The following COMMD7 variants were observed in gnomAD, a reference collection of about 807,000 sequenced individuals.
The protein encoded by COMMD7 is COMM domain containing 7.
In COMMD7, 28 loss-of-function variants were observed where a neutral mutation model predicts 34.8. The observed-to-expected ratio is 0.80, with a 90% confidence interval of 0.60 to 1.10. COMMD7 has a LOEUF of 1.10. COMMD7 is among the 50% of genes least tolerant of loss of function. The pLI is 0.00. For missense variants in COMMD7, 211 were observed against 241.6 expected (o/e 0.87, Z 0.84); for synonymous variants, 80 against 86.4 (o/e 0.93, Z 0.41).
intron 1 of COMMD7, among the ~76,000 whole-genome samples, chr20:32,736,329 G>A (rs901746285): frequency 5.3e-5 from 8 of 152,148 alleles, no homozygotes; most frequent in African/African-American, 1.7e-4. Context: ...TGGGCCAAAC[G>A]ACTCAGGTAA....
chr20:32,722,785 G>C (rs1985250329), intron 3 of COMMD7, among the ~76,000 whole-genome samples: 1 of 150,980 alleles, frequency 6.6e-6, no homozygotes, highest in Non-Finnish European at 1.5e-5. Context: ...ACTTTGGGAG[G>C]CTGAGGCGGG....
intron 3 of COMMD7, among the ~76,000 whole-genome samples, chr20:32,711,222 C>G (rs555184045): frequency 6.6e-6 from 1 of 151,910 alleles, no homozygotes; most frequent in Non-Finnish European, 1.5e-5. Flanking sequence ...CGTGGTGAAA[C>G]CCCGTCTCCA....
At chr20:32,716,507 T>C (rs575330579) in intron 3 of COMMD7, among the ~76,000 whole-genome samples, 260 of 152,094 alleles carry the variant, frequency 1.7e-3, no homozygotes, top group African/African-American at 5.7e-3. Flanking sequence ...CCCAGCTACT[T>C]GGGAGGCTGA....
Position 32,727,962 on chromosome 20 carries a change from C to A in COMMD7, c.172G>T (p.Ala58Ser). 1 of 1,614,126 alleles carries A rather than the reference C, an allele frequency of 6.2e-7. No homozygotes were observed. The highest frequency in any genetic ancestry group is 1.7e-4 in the Middle Eastern group (1 of 6,060). ...ERFLAQLSEF[A>S]TTNQISLGSL... ...CCAAGACTGATCTGATTGGTGGTGGCAAATTCAGAGAGCTGAGCCAGAAAT... is the reference window on the plus strand; with the variant it reads ...CCAAGACTGATCTGATTGGTGGTGGAAAATTCAGAGAGCTGAGCCAGAAAT... Residue 58 changes from alanine (A) to serine (S), a missense_variant, in exon 3 of 9, where the codon GCC becomes TCC. By Grantham distance (99) the Ala-to-Ser change is moderately conservative (BLOSUM62 1). Transcript: ENST00000278980.
intron 1 of COMMD7, among the ~76,000 whole-genome samples, chr20:32,737,969 A>C (rs553045488): frequency 1.3e-5 from 2 of 151,994 alleles, no homozygotes; most frequent in African/African-American, 2.4e-5. Context: ...AAAGAAAAAA[A>C]CTTTGTTAGT....
chr20:32,728,231 G>C, intron 1 of COMMD7, 89 bp from the exon 2 acceptor site: 1 of 1,227,768 alleles, frequency 8.1e-7, no homozygotes, highest in Non-Finnish European at 1.2e-6. Flanking sequence ...CCTTGAGAGG[G>C]AAGAACAGTA....
At chr20:32,734,367 G>A (rs777924770) in intron 1 of COMMD7, among the ~76,000 whole-genome samples, 8 of 151,466 alleles carry the variant, frequency 5.3e-5, no homozygotes, top group Non-Finnish European at 8.8e-5. Context: ...CAGCTACTCG[G>A]GAGGCTGAGG....
chr20:32,727,010 A>T (rs1428933325), intron 3 of COMMD7, among the ~76,000 whole-genome samples: 2 of 152,056 alleles, frequency 1.3e-5, no homozygotes, highest in Admixed American at 1.3e-4. Context: ...GCAGGAGGAC[A>T]GCTTGAGCTA....
chr20:32,732,343 A>G, intron 1 of COMMD7, among the ~76,000 whole-genome samples: 1 of 151,970 alleles, frequency 6.6e-6, no homozygotes, highest in East Asian at 1.9e-4. Flanking sequence ...CTCCTGCCTC[A>G]CCCTCCCTAA....
In COMMD7 at chr20:32,714,857, A is replaced by AACAACAACAACAAC. The variant is rs1568778705; in HGVS notation, c.242-8098_242-8097insGTTGTTGTTGTTGT. On this transcript the variant is annotated intron_variant, in intron 3 of 8. Coordinates refer to ENST00000278980, the MANE Select transcript of COMMD7 (RefSeq NM_053041.3). The stretch of plus-strand genomic sequence containing the variant: ...ACAACAACAACAACAACAACAACAA[A>AACAACAACAACAAC]AATTAGCCAGGTGTAGTGCGCATGC... 1.1e-3 allele frequency among the ~76,000 whole-genome samples: 53 copies of AACAACAACAACAAC among 49,590 alleles called. 1 individual carries two copies. The highest frequency in any genetic ancestry group is 3.1e-3 in the African/African-American group (48 of 15,348). 32.5% of individuals were successfully genotyped at this position (49,590 alleles called of 152,430 possible). A position where few individuals can be genotyped will look rare whatever the true frequency, so the allele number is the denominator to read the frequency against.
intron 1 of COMMD7, among the ~76,000 whole-genome samples, chr20:32,740,021 AAAAAGAAAAGGGCTGGCCGGATGC>A (rs1568798630): frequency 7.3e-6 from 1 of 136,900 alleles, no homozygotes; most frequent in Non-Finnish European, 1.6e-5. Context: ...GACTGTCTTT[AAAAAGAAAAGGGCTGGCCGGATGC>A]GGTGGCTCAC....
At chr20:32,734,560 C>A (rs2145780296) in intron 1 of COMMD7, among the ~76,000 whole-genome samples, 1 of 152,004 alleles carries the variant, frequency 6.6e-6, no homozygotes, top group East Asian at 1.9e-4. Context: ...AATTCAAAGC[C>A]AGAAATGGGA....
At position 32,728,128 on chromosome 20, in the gene COMMD7, C is replaced by A; in HGVS notation, c.99G>T (p.Leu33=). The A allele has an allele frequency of 6.2e-7, 1 of 1,614,100 alleles. No homozygotes were observed. The highest frequency in any genetic ancestry group is 1.1e-5 in the South Asian group (1 of 91,078). Residue 33 remains leucine (L), a synonymous_variant, in exon 2 of 9, where the codon CTG becomes CTT. Transcript: ENST00000278980. The part of the protein sequence containing the change: ...NQLGAQQFSA[L]TEVLFHFLTE... The stretch of plus-strand genomic sequence containing the variant: ...TTAGGAAGTGGAAAAGCACCTCTGT[C>A]AGGGCTGAGAACTGCTGTGAAGAAA...
Position 32,743,294 on chromosome 20 carries a change from G to A in COMMD7, c.84+14C>T. On this transcript the variant is annotated intron_variant, in intron 1 of 8. Transcript: ENST00000278980. Reference sequence around the variant, plus strand: ...ACCTGGGCCCCGCGCCCCACGCCCCGCCGCCGGGCCCACCTGCGCGCCCAG... The same window carrying A: ...ACCTGGGCCCCGCGCCCCACGCCCCACCGCCGGGCCCACCTGCGCGCCCAG... The A allele has an allele frequency of 8.5e-7, 1 of 1,177,376 alleles. No homozygotes were observed. The highest frequency in any genetic ancestry group is 1.1e-6 in the Non-Finnish European group (1 of 925,900). 72.9% of individuals were successfully genotyped at this position (1,177,376 alleles called of 1,614,324 possible).
intron 5 of COMMD7, among the ~76,000 whole-genome samples, chr20:32,706,332 C>G (rs1262501405): frequency 6.6e-6 from 1 of 150,500 alleles, no homozygotes; most frequent in African/African-American, 2.4e-5. Flanking sequence ...GCTAACACAG[C>G]GAAACCCCGT....
chr20:32,708,477 G>T (rs902460103), intron 3 of COMMD7, among the ~76,000 whole-genome samples: 1 of 151,904 alleles, frequency 6.6e-6, no homozygotes, highest in East Asian at 1.9e-4. Context: ...GAAGCCACAC[G>T]GAATAAAAAA....
Position 32,704,910 on chromosome 20 carries a change from A to T in COMMD7, c.337-6T>A, listed in dbSNP as rs1303378457. On this transcript the variant is annotated splice_polypyrimidine_tract_variant and splice_region_variant and intron_variant, in intron 5 of 8. Transcript: ENST00000278980. Reference sequence around the variant, plus strand: ...GTGGGAGCATTCTGCTTCCACTGGAACAAAAGCAAAAGACAAAGTCAATTA... The same window carrying T: ...GTGGGAGCATTCTGCTTCCACTGGATCAAAAGCAAAAGACAAAGTCAATTA... The T allele has an allele frequency of 1.2e-6, 2 of 1,607,366 alleles. No homozygotes were observed. The highest frequency in any genetic ancestry group is 2.7e-5 in the African/African-American group (2 of 74,808).
chr20:32,725,433 T>TTTG (rs1177124790), intron 3 of COMMD7, among the ~76,000 whole-genome samples: 4 of 147,066 alleles, frequency 2.7e-5, no homozygotes, highest in Non-Finnish European at 4.5e-5. Context: ...TGTGTTTTGT[T>TTTG]TTTTTTTTTT....
intron 3 of COMMD7, among the ~76,000 whole-genome samples, chr20:32,719,971 CTG>C (rs950294829): frequency 6.6e-6 from 1 of 152,136 alleles, no homozygotes; most frequent in Non-Finnish European, 1.5e-5. Flanking sequence ...TGAGCAAGCA[CTG>C]TGTTAAGTAC....
Sources: allele counts gnomAD v4.1 joint callset (sites outside exome capture counted in the v4.1 genomes callset), GRCh38; gene constraint gnomAD v4.1.1; transcripts MANE v1.5; gene names NCBI Gene and HGNC (gene_info 2026-07-23, HGNC 2026-07-21).